The following SLC15A2 variants were observed in gnomAD, a reference collection of about 807,000 sequenced individuals.
SLC15A2 encodes kidney H(+)/peptide cotransporter.
SLC15A2 carries 77 observed loss-of-function variants against 95.5 expected under a neutral mutation model. The observed-to-expected ratio is 0.81, with a 90% CI of 0.67 to 0.97. SLC15A2 has a LOEUF of 0.97. Among genes scored for constraint, SLC15A2 ranks in the 50% least tolerant of loss-of-function variants. The pLI is 0.00. For missense variants in SLC15A2, 893 were observed against 874.4 expected (o/e 1.02, Z -0.27); for synonymous variants, 306 against 306.9 (o/e 1.00, Z 0.03).
chr3:121,922,681 G>A (rs7637569), intron 8 of SLC15A2, 94 bp from the exon 9 acceptor site: 340,839 of 771,180 alleles, frequency 0.44, 78,589 homozygotes, highest in East Asian at 0.72. Context: ...TAAGTCACTA[G>A]AAGTATGGTG....
At chr3:121,898,752 C>T (rs1709467946) in intron 3 of SLC15A2, among the ~76,000 whole-genome samples, 2 of 152,148 alleles carry the variant, frequency 1.3e-5, no homozygotes, top group African/African-American at 2.4e-5. Context: ...GTTTCCCAAA[C>T]CAGTTTGACT....
At position 121,925,028 on chromosome 3, in the gene SLC15A2, C is replaced by T. The variant is rs755593026; in HGVS notation, c.1119C>T (p.Asn373=). Residue 373 remains asparagine, a synonymous_variant, in exon 13 of 22, where the codon AAC becomes AAT. Coordinates refer to ENST00000489711, the MANE Select transcript of SLC15A2 (RefSeq NM_021082.4). ...IYRLVSKCGI[N]FSSLRKMAVG... is the part of the protein sequence containing the mutation. ...GTCTGGTCTCCAAGTGTGGAATTAA[C>T]TTCTCGTAAGTGTTCACTATGTCTG... 10 of 1,607,066 alleles carry T rather than the reference C, an allele frequency of 6.2e-6. No homozygotes were observed. Among genetic ancestry groups the T allele is most frequent in the Non-Finnish European group, 8.5e-6 (10 of 1,173,776 alleles).
At chr3:121,923,329 A>T (rs1051480230) in intron 11 of SLC15A2, 63 bp downstream of exon 11, 3 of 1,524,756 alleles carry the variant, frequency 2.0e-6, no homozygotes, top group Non-Finnish European at 2.7e-6. Flanking sequence ...TTGGGGAAAA[A>T]TTAATTTCTT....
At chr3:121,908,248 T>C (rs1454185920) in intron 3 of SLC15A2, among the ~76,000 whole-genome samples, 1 of 152,226 alleles carries the variant, frequency 6.6e-6, no homozygotes, top group Non-Finnish European at 1.5e-5. Context: ...AAGCACAGTA[T>C]TTGGGTGGGA....
At position 121,940,454 on chromosome 3, in the gene SLC15A2, T is replaced by C; in HGVS notation, c.1979T>C (p.Val660Ala). 1 of 1,614,138 alleles carries C rather than the reference T, an allele frequency of 6.2e-7. No homozygotes were observed. Among genetic ancestry groups the C allele is most frequent in the Non-Finnish European group, 8.5e-7 (1 of 1,179,984 alleles). Residue 660 changes from valine to alanine, a missense_variant, in exon 21 of 22, where the codon GTG (valine) becomes GCG (alanine). Transcript: ENST00000489711. Reference sequence around the variant, plus strand: ...ACAATTGCAGTTGGGAATATCATCGTGCTTGTTGTGGCACAGTTCAGTGGC... The same window carrying C: ...ACAATTGCAGTTGGGAATATCATCGCGCTTGTTGTGGCACAGTTCAGTGGC... The part of the protein sequence containing the change: ...LLTIAVGNII[V>A]LVVAQFSGLV...
intron 19 of SLC15A2, among the ~76,000 whole-genome samples, chr3:121,938,290 C>T (rs1710390259): frequency 6.6e-6 from 1 of 152,270 alleles, no homozygotes; most frequent in Non-Finnish European, 1.5e-5. Context: ...TGGTGGGCTC[C>T]ACCCAGTTGG....
Position 121,915,263 on chromosome 3 carries a change from C to T in SLC15A2, c.565C>T (p.Leu189=). Residue 189 remains leucine (L), a synonymous_variant, in exon 6 of 22, where the codon CTG becomes TTG. Transcript: ENST00000489711. ...ERTRYFSVFY[L]SINAGSLIST... ...GACTAGATACTTCTCAGTCTTCTAC[C>T]TGTCCATCAATGCAGGGAGCTTGAT... 6.2e-7 allele frequency: 1 copy of T among 1,613,870 alleles called. No homozygotes were observed. Among genetic ancestry groups the T allele is most frequent in the Non-Finnish European group, 8.5e-7 (1 of 1,179,818 alleles).
At chr3:121,927,651 C>T in intron 13 of SLC15A2, 107 bp from the exon 14 acceptor site, 2 of 749,074 alleles carry the variant, frequency 2.7e-6, no homozygotes, top group South Asian at 3.4e-5. Flanking sequence ...TTCTTTACAG[C>T]AATGCAAGAA....
intron 21 of SLC15A2, among the ~76,000 whole-genome samples, 164 bp from the exon 22 acceptor site, chr3:121,940,667 C>A (rs1468629290): frequency 6.6e-6 from 1 of 152,132 alleles, no homozygotes; most frequent in Non-Finnish European, 1.5e-5. Context: ...ATAATGACTA[C>A]AATATACCTA....
rs1443181631 is a variant in SLC15A2 at position 121,923,254 on chromosome 3, G to A, written c.990G>A (p.Met330Ile). The change falls in exon 11 of 22, where the codon ATG becomes ATA. Residue 330 changes from methionine (M) to isoleucine (I), a missense_variant. By Grantham distance (10) the Met-to-Ile change is conservative. Coordinates refer to ENST00000489711, the MANE Select transcript of SLC15A2 (RefSeq NM_021082.4). ...GSRWTLQAIRMNRNLGFFVLQ... is the reference protein window; with the variant it reads ...GSRWTLQAIRINRNLGFFVLQ... ...GATGGACTTTGCAAGCCATCAGGAT[G>A]AATAGGAATTTGGTGAGTAGAAGAG... The A allele has an allele frequency of 6.2e-7, 1 of 1,613,928 alleles. No individual in the cohort carries two copies. Among genetic ancestry groups the A allele is most frequent in the Middle Eastern group, 1.7e-4 (1 of 6,060 alleles).
At chr3:121,904,297 C>G (rs1333979226) in intron 3 of SLC15A2, among the ~76,000 whole-genome samples, 1 of 152,194 alleles carries the variant, frequency 6.6e-6, no homozygotes, top group Non-Finnish European at 1.5e-5. Context: ...CATCTGCAAA[C>G]AGGGACATTT....
intron 14 of SLC15A2, 132 bp downstream of exon 14, chr3:121,927,971 T>G: frequency 1.5e-6 from 1 of 674,874 alleles, no homozygotes. Flanking sequence ...TCATAAGTAT[T>G]TGTGATAAAT....
intron 17 of SLC15A2, among the ~76,000 whole-genome samples, chr3:121,929,805 G>C (rs2107604288): frequency 6.6e-6 from 1 of 152,266 alleles, no homozygotes; most frequent in Non-Finnish European, 1.5e-5. Context: ...TTTGAATCCA[G>C]ATAAGGCTGA....
chr3:121,911,672 TA>T lies in SLC15A2; in HGVS notation c.428+10del. On this transcript the variant is annotated splice_region_variant and intron_variant, in intron 4 of 21. Coordinates refer to ENST00000489711, the MANE Select transcript of SLC15A2 (RefSeq NM_021082.4). Reference sequence around the variant, plus strand: ...GGAGGACAAGTGGTACACACGTGAGTAAAATCATGGAATCAACTAAACTACT... The same window carrying T: ...GGAGGACAAGTGGTACACACGTGAGTAAATCATGGAATCAACTAAACTACT... 7 of 1,574,962 alleles carry T rather than the reference TA, an allele frequency of 4.4e-6. No individual in the cohort carries two copies. Among genetic ancestry groups the T allele is most frequent in the Non-Finnish European group, 6.1e-6 (7 of 1,144,580 alleles).
In SLC15A2 at chr3:121,922,315, A is replaced by C. The variant is rs368764332; in HGVS notation, c.780+13A>C. 10 of 1,608,338 alleles carry C rather than the reference A, an allele frequency of 6.2e-6. No individual in the cohort carries two copies. The African/African-American group carries it at 1.3e-4, about 22-fold the overall frequency. On this transcript the variant is annotated intron_variant, in intron 8 of 21. Coordinates refer to ENST00000489711, the MANE Select transcript of SLC15A2 (RefSeq NM_021082.4). ...CAAATGTATCTGGGTAAGTCCATAA[A>C]TTGTTTTCTTGCCTTTTTCAATCAA...
chr3:121,919,947 C>T lies in SLC15A2; in HGVS notation c.698-2273C>T, dbSNP rs1576681333. ...CACCTTCACCTACCTGGAGGGAGGA[C>T]AGGATGAGTGTGGATACAAGAATTA... On this transcript the variant is annotated intron_variant, in intron 7 of 21. Coordinates refer to ENST00000489711, the MANE Select transcript of SLC15A2 (RefSeq NM_021082.4). 2.0e-5 allele frequency among the ~76,000 whole-genome samples: 3 copies of T among 152,234 alleles called. No individual in the cohort carries two copies. The South Asian group carries it at 6.2e-4, about 32-fold the overall frequency.
At chr3:121,904,542 T>G (rs1162480882) in intron 3 of SLC15A2, among the ~76,000 whole-genome samples, 7 of 152,218 alleles carry the variant, frequency 4.6e-5, no homozygotes, top group Non-Finnish European at 1.0e-4. Context: ...CCTAGTTTAT[T>G]GAGAGTTTTT....
chr3:121,924,271 AG>A (rs1244276705), intron 11 of SLC15A2, 79 bp from the exon 12 acceptor site: 1 of 1,234,030 alleles, frequency 8.1e-7, no homozygotes, highest in African/African-American at 1.5e-5. Context: ...CTTGCTAACT[AG>A]CAAAATTATT....
rs200227226 is a variant in SLC15A2 at position 121,908,058 on chromosome 3, C to T, written c.336-3516C>T. Among the ~76,000 whole-genome samples the T allele has an allele frequency of 1.3e-4, 20 of 152,368 alleles. No homozygotes were observed. The East Asian group carries it at 3.7e-3, about 28-fold the overall frequency. On this transcript the variant is annotated intron_variant, in intron 3 of 21. Coordinates refer to ENST00000489711, the MANE Select transcript of SLC15A2 (RefSeq NM_021082.4). ...TGCCCAGTTCAAGCTTCCCCAGCTT[C>T]TTTGTTTACCTACTCAAGCCTCAGC... is the stretch of plus-strand genomic sequence containing the variant.
Sources: gnomAD v4.1 joint callset for allele counts (sites outside exome capture counted in the v4.1 genomes callset) on GRCh38, gnomAD v4.1.1 for gene constraint, MANE v1.5 for transcripts, NCBI Gene and HGNC (gene_info 2026-07-23, HGNC 2026-07-21) for gene names.